The following DNAI2 variants were observed in gnomAD, a reference collection of about 807,000 sequenced individuals.
DNAI2 encodes the protein dynein axonemal intermediate chain 2, also known as dynein, axonemal, intermediate polypeptide 2.
A neutral mutation model predicts 74.7 loss-of-function variants in DNAI2; 63 were observed. The observed-to-expected ratio is 0.84, with a 90% CI of 0.69 to 1.04. The LOEUF (loss-of-function observed/expected upper bound fraction) is 1.04, where lower values mean the gene tolerates loss of function less well. DNAI2 is among the 50% of genes least tolerant of loss of function. The probability of loss-of-function intolerance (pLI) is 0.00; values close to 1 mark genes in which losing one functional copy is unlikely to be tolerated. For missense variants in DNAI2, 688 were observed against 803.2 expected (o/e 0.86, Z 1.73); for synonymous variants, 289 against 314.9 (o/e 0.92, Z 0.87).
intron 8 of DNAI2, among the ~76,000 whole-genome samples, chr17:74,302,989 G>A (rs993934439): frequency 1.3e-5 from 2 of 152,232 alleles, no homozygotes; most frequent in Non-Finnish European, 2.9e-5. Context: ...CAGAGGCAAG[G>A]CTTTCTAGGC....
intron 4 of DNAI2, among the ~76,000 whole-genome samples, chr17:74,289,198 G>A (rs749297556): frequency 4.6e-5 from 7 of 152,306 alleles, no homozygotes; most frequent in African/African-American, 1.4e-4. Context: ...CTCTAACCTC[G>A]TATATGGACC....
intron 1 of DNAI2, among the ~76,000 whole-genome samples, chr17:74,275,387 G>A (rs1298069987): frequency 2.0e-5 from 3 of 152,148 alleles, no homozygotes; most frequent in East Asian, 1.9e-4. Context: ...GGTAGAGTGA[G>A]TCCCTCAGGA....
At position 74,299,607 on chromosome 17, in the gene DNAI2, A is replaced by G. The variant is rs1281899458; in HGVS notation, c.725-111A>G. 3.5e-6 allele frequency: 5 copies of G among 1,442,734 alleles called. No homozygotes were observed. In the East Asian group the frequency reaches 1.2e-4, roughly 33 times the overall value. The allele number at this position is 1,442,734 out of a possible 1,614,324, so 89.4% of individuals were successfully genotyped here. A position where few individuals can be genotyped will look rare whatever the true frequency, so the allele number is the denominator to read the frequency against. On this transcript the variant is annotated intron_variant, in intron 6 of 13. Coordinates refer to ENST00000311014, the MANE Select transcript of DNAI2 (RefSeq NM_023036.6). ...TTGAACCAAGCCCTGATTCTAGAAAACCACATACCTGCCAAACCAGAAGCA... is the reference window on the plus strand; with the variant it reads ...TTGAACCAAGCCCTGATTCTAGAAAGCCACATACCTGCCAAACCAGAAGCA...
At chr17:74,279,556 C>T (rs1282649605) in intron 1 of DNAI2, among the ~76,000 whole-genome samples, 1 of 152,166 alleles carries the variant, frequency 6.6e-6, no homozygotes, top group Non-Finnish European at 1.5e-5. Flanking sequence ...GAGATAGAGT[C>T]TTGCTCTGTC....
intron 12 of DNAI2, among the ~76,000 whole-genome samples, chr17:74,312,958 C>T (rs568222938): frequency 2.6e-5 from 4 of 152,310 alleles, no homozygotes; most frequent in African/African-American, 9.6e-5. Flanking sequence ...AAAGAAACAG[C>T]GGGTATATGC....
intron 1 of DNAI2, chr17:74,281,601 A>G (rs764313765): frequency 3.8e-5 from 23 of 605,244 alleles, no homozygotes; most frequent in Non-Finnish European, 5.8e-5. Context: ...CAATAACTAA[A>G]CAGGGTAATG....
At chr17:74,304,429 G>A (rs909550142) in intron 8 of DNAI2, among the ~76,000 whole-genome samples, 1 of 151,914 alleles carries the variant, frequency 6.6e-6, no homozygotes, top group Admixed American at 6.6e-5. Flanking sequence ...CAGCACCATT[G>A]TAGGCTCAGG....
chr17:74,283,256 C>T (rs188427023), intron 2 of DNAI2, among the ~76,000 whole-genome samples: 7 of 152,236 alleles, frequency 4.6e-5, no homozygotes, highest in African/African-American at 7.2e-5. Context: ...CTGCAGTGTA[C>T]GCTTTAAAGT....
At chr17:74,284,973 G>T in intron 2 of DNAI2, 67 bp from the exon 3 acceptor site, 1 of 1,608,026 alleles carries the variant, frequency 6.2e-7, no homozygotes, top group Non-Finnish European at 8.5e-7. Context: ...GACCTGGCTT[G>T]CAGAAGTGGC....
rs143184350 is a variant in DNAI2 at position 74,296,311 on chromosome 17, AAGAGAG to A, written c.725-3390_725-3385del. On this transcript the variant is annotated intron_variant, in intron 6 of 13. Transcript: ENST00000311014. ...GCAGCATAGTGAGATCTTGCCTTTAAAGAGAGAGAGAGAGAGAGAGAGGAGAGAGAG... is the reference window on the plus strand; with the variant it reads ...GCAGCATAGTGAGATCTTGCCTTTAAAGAGAGAGAGAGAGAGGAGAGAGAG... Among the ~76,000 whole-genome samples, 903 of 102,248 alleles carry A rather than the reference AAGAGAG, an allele frequency of 8.8e-3. 21 individuals are homozygous for A. The highest frequency in any genetic ancestry group is 0.026 in the African/African-American group (848 of 32,162). 67.1% of individuals were successfully genotyped at this position (102,248 alleles called of 152,430 possible).
chr17:74,305,732 C>T lies in DNAI2; in HGVS notation c.1211+290C>T, dbSNP rs141991485. Among the ~76,000 whole-genome samples, 130 of 136,272 alleles carry T rather than the reference C, an allele frequency of 9.5e-4. No homozygotes were observed. The East Asian group carries it at 0.014, about 15-fold the overall frequency. 89.4% of individuals were successfully genotyped at this position (136,272 alleles called of 152,430 possible). A position where few individuals can be genotyped will look rare whatever the true frequency, so the allele number is the denominator to read the frequency against. On this transcript the variant is annotated intron_variant, in intron 9 of 13. Transcript: ENST00000311014. ...TAGTTCCCCAGACTGAGTGCAGTGG[C>T]GTGATCTCGGCTCACTGCAGCCTCC...
At chr17:74,314,471 C>G (rs1449709310) in intron 13 of DNAI2, 118 bp from the exon 14 acceptor site, 3 of 589,462 alleles carry the variant, frequency 5.1e-6, no homozygotes, top group East Asian at 8.6e-5. Flanking sequence ...GCCCCATTGT[C>G]TCAGCCACCC....
chr17:74,278,299 G>A (rs2051206028), intron 1 of DNAI2, among the ~76,000 whole-genome samples: 1 of 152,086 alleles, frequency 6.6e-6, no homozygotes, highest in South Asian at 2.1e-4. Flanking sequence ...ATGTGGTAGT[G>A]TCTGCCTGTG....
At chr17:74,313,724 G>A (rs1252690000) in intron 12 of DNAI2, 2 of 235,790 alleles carry the variant, frequency 8.5e-6, no homozygotes, top group Admixed American at 9.4e-5. Context: ...AACGCTGGTG[G>A]TCACAAAGTA....
chr17:74,298,196 C>T (rs1055725339), intron 6 of DNAI2, among the ~76,000 whole-genome samples: 4 of 152,360 alleles, frequency 2.6e-5, no homozygotes, highest in African/African-American at 7.2e-5. Context: ...TCTGGTGCTC[C>T]GCTGCTCCAA....
chr17:74,303,534 G>A (rs560307857), intron 8 of DNAI2, among the ~76,000 whole-genome samples: 4 of 151,946 alleles, frequency 2.6e-5, no homozygotes, highest in Non-Finnish European at 5.9e-5. Flanking sequence ...TCCACCTCCT[G>A]GGCTCAAGCC....
In DNAI2 at chr17:74,285,195, C is replaced by G. The variant is rs957243389; in HGVS notation, c.339C>G (p.Leu113=). 1.2e-5 allele frequency: 20 copies of G among 1,613,920 alleles called. No homozygotes were observed. The highest frequency in any genetic ancestry group is 1.3e-5 in the Non-Finnish European group (15 of 1,179,950). Residue 113 remains leucine, a synonymous_variant, in exon 3 of 14, where the codon CTC becomes CTG. Coordinates refer to ENST00000311014, the MANE Select transcript of DNAI2 (RefSeq NM_023036.6). ...DENYVNAIMQ[L]GSIMEHCIKQ... ...ACTACGTTAACGCCATCATGCAGCT[C>G]GGCTCTGTAAGGCTTCCTCCTGCCC...
chr17:74,300,965 C>T lies in DNAI2; in HGVS notation c.865-81C>T, dbSNP rs34880269. ...TGTGGCCCAGTGGCTGACCCCAGGA[C>T]GGTGGGGTGAGGGCGGAGAAGGCAA... On this transcript the variant is annotated intron_variant, in intron 7 of 13. Coordinates refer to ENST00000311014, the MANE Select transcript of DNAI2 (RefSeq NM_023036.6). This position sits in a 1 kb window ranked among gnomAD's most constrained non-coding sequence, Gnocchi z 4.5. 597,314 of 1,587,112 alleles carry T rather than the reference C, an allele frequency of 0.38. 116,187 individuals are homozygous for T. The highest frequency in any genetic ancestry group is 0.41 in the Non-Finnish European group (472,767 of 1,163,768).
intron 9 of DNAI2, among the ~76,000 whole-genome samples, chr17:74,306,375 G>A (rs2053191927): frequency 6.6e-6 from 1 of 152,012 alleles, no homozygotes; most frequent in African/African-American, 2.4e-5. Flanking sequence ...TAGGTAATAA[G>A]CCCGAATTCT....
Sources: gnomAD v4.1 joint callset for allele counts (sites outside exome capture counted in the v4.1 genomes callset) on GRCh38, gnomAD v4.1.1 for gene constraint, Gnocchi (gnomAD v3.1) non-coding constraint, MANE v1.5 for transcripts, NCBI Gene and HGNC (gene_info 2026-07-23, HGNC 2026-07-21) for gene names.